Variants in MCF2L observed in about 807,000 individuals in gnomAD.
MCF2L encodes the protein guanine nucleotide exchange factor DBS.
A neutral mutation model predicts 153.4 loss-of-function variants in MCF2L; 97 were observed. That is an observed-to-expected ratio of 0.63 (90% CI 0.54 to 0.75). The LOEUF (loss-of-function observed/expected upper bound fraction) is 0.75. Among genes scored for constraint, MCF2L ranks in the 30% least tolerant of loss-of-function variants. The pLI, the probability that MCF2L is intolerant of heterozygous loss-of-function variation, is 0.00. For synonymous variants in MCF2L, 659 were observed against 632.2 expected, an observed-to-expected ratio of 1.04 and a Z score of -0.64; for missense variants, 1,347 against 1,495.2, an observed-to-expected ratio of 0.90 and a Z score of 1.64.
At position 113,077,228 on chromosome 13, in the gene MCF2L, G is replaced by A. The variant is rs746053666; in HGVS notation, c.1660+17G>A. The A allele has an allele frequency of 1.4e-5, 21 of 1,520,390 alleles. No individual in the cohort carries two copies. The highest frequency in any genetic ancestry group is 6.3e-5 in the Admixed American group (3 of 47,526). The allele number at this position is 1,520,390 out of a possible 1,614,324, so 94.2% of individuals were successfully genotyped here. On this transcript the variant is annotated intron_variant, in intron 13 of 29. Transcript: ENST00000535094. ...CCTCCCCAGGTCTGTGTGGCCGCCC[G>A]GTGCCCCGGGTGCTGTGGGACCCTC...
Position 112,998,492 on chromosome 13 carries a change from G to A in MCF2L, c.80-16271G>A, listed in dbSNP as rs558214167. Among the ~76,000 whole-genome samples, 15 of 152,304 alleles carry A rather than the reference G, an allele frequency of 9.8e-5. No homozygotes were observed. In the South Asian group the frequency reaches 2.9e-3, roughly 29 times the overall value. On this transcript the variant is annotated intron_variant, in intron 1 of 29. Coordinates refer to ENST00000535094, the MANE Select transcript of MCF2L (RefSeq NM_001112732.3). ...TGGAGTGATTGGTTACATTATTCAT[G>A]GAGCTGACTGGGCTCCCAGGACGGG... is the stretch of plus-strand genomic sequence containing the variant.
At chr13:112,925,274 G>A (rs2081390761) in intron 2 of MCF2L, among the ~76,000 whole-genome samples, 1 of 152,234 alleles carries the variant, frequency 6.6e-6, no homozygotes, top group Non-Finnish European at 1.5e-5. Flanking sequence ...TGGGATACCA[G>A]TGCTCACATT....
At chr13:112,911,678 A>C (rs1406134040) in intron 2 of MCF2L, among the ~76,000 whole-genome samples, 1 of 152,188 alleles carries the variant, frequency 6.6e-6, no homozygotes, top group East Asian at 1.9e-4. Flanking sequence ...TCCTTCCCCG[A>C]GGCCGAGGGC....
At chr13:113,009,149 C>T (rs1432107894) in intron 1 of MCF2L, 1 of 152,304 alleles carries the variant, frequency 6.6e-6, no homozygotes, top group Non-Finnish European at 1.5e-5. Flanking sequence ...ACCTGCCCCC[C>T]ACGTGGGAGT....
chr13:113,006,134 C>T (rs141437420), intron 1 of MCF2L, among the ~76,000 whole-genome samples: 3,058 of 152,326 alleles, frequency 0.02, 48 homozygotes, highest in Middle Eastern at 0.034. Flanking sequence ...CTCACTCACC[C>T]ATCAGCCTGG....
chr13:113,050,291 T>TGTGA (rs536729356), intron 4 of MCF2L, among the ~76,000 whole-genome samples: 4 of 151,008 alleles, frequency 2.6e-5, no homozygotes, highest in South Asian at 2.1e-4. Flanking sequence ...AGTGTGAGAG[T>TGTGA]GTGTGTGTGT....
At position 113,028,133 on chromosome 13, in the gene MCF2L, G is replaced by A. The variant is rs1391846970; in HGVS notation, c.278+3375G>A. Among the ~76,000 whole-genome samples the A allele has an allele frequency of 2.6e-5, 4 of 152,182 alleles. No individual in the cohort carries two copies. The highest frequency in any genetic ancestry group is 4.4e-5 in the Non-Finnish European group (3 of 68,026). The stretch of plus-strand genomic sequence containing the variant: ...GCTACTTGGAGCCATGAGCTGGGGC[G>A]CCTCCTGTTTGTTGAACCTTCCTGT... On this transcript the variant is annotated intron_variant, in intron 3 of 29. Transcript: ENST00000535094. The surrounding 1 kb of genome is among the most constrained non-coding windows in gnomAD (Gnocchi z 5.4).
chr13:112,911,837 T>A (rs1191582648), intron 2 of MCF2L, among the ~76,000 whole-genome samples: 2 of 152,238 alleles, frequency 1.3e-5, no homozygotes, highest in Non-Finnish European at 2.9e-5. Flanking sequence ...TCCCTAAACA[T>A]TACTGAGCTG....
chr13:113,002,742 A>G (rs981325608), intron 1 of MCF2L, among the ~76,000 whole-genome samples: 5 of 152,230 alleles, frequency 3.3e-5, no homozygotes, highest in African/African-American at 1.2e-4. Context: ...GATTTGTCCT[A>G]ATTATATTTT....
intron 2 of MCF2L, chr13:112,909,130 C>G: frequency 1.4e-6 from 1 of 740,732 alleles, no homozygotes; most frequent in South Asian, 1.5e-5. Context: ...TTCTCTCCCT[C>G]CTGCTTGCCT....
intron 2 of MCF2L, among the ~76,000 whole-genome samples, chr13:112,954,628 C>T (rs2081735202): frequency 6.6e-6 from 1 of 152,166 alleles, no homozygotes; most frequent in African/African-American, 2.4e-5. Context: ...CTCTGACTGG[C>T]TCCCGAGGGG....
At chr13:112,906,804 T>G (rs1010762609) in intron 2 of MCF2L, among the ~76,000 whole-genome samples, 1 of 152,212 alleles carries the variant, frequency 6.6e-6, no homozygotes, top group Non-Finnish European at 1.5e-5. Flanking sequence ...CACCTCTAGC[T>G]CTAGGGTGGC....
chr13:113,015,577 C>T (rs1168228921), intron 2 of MCF2L, among the ~76,000 whole-genome samples: 1 of 152,202 alleles, frequency 6.6e-6, no homozygotes, highest in Admixed American at 6.5e-5. Flanking sequence ...TCCCGGCCCC[C>T]AATCCATGGC....
At chr13:112,917,385 A>G in intron 2 of MCF2L, 1 of 350,144 alleles carries the variant, frequency 2.9e-6, no homozygotes, top group Non-Finnish European at 5.7e-6. Context: ...CTCCCGGGAA[A>G]TCCTGTTGGC....
In MCF2L at chr13:113,045,097, G is replaced by A. The variant is rs1373510260; in HGVS notation, c.279-174G>A. On this transcript the variant is annotated intron_variant, in intron 3 of 29. Transcript: ENST00000535094. The surrounding 1 kb of genome is among the most constrained non-coding windows in gnomAD (Gnocchi z 4.2). ...TTCCGTAGATGAGAGCAGGTTCTGGGACTGCGGGGATGGGGCTGCCGGGGC... is the reference window on the plus strand; with the variant it reads ...TTCCGTAGATGAGAGCAGGTTCTGGAACTGCGGGGATGGGGCTGCCGGGGC... 2 of 919,424 alleles carry A rather than the reference G, an allele frequency of 2.2e-6. No homozygotes were observed. The highest frequency in any genetic ancestry group is 1.6e-5 in the African/African-American group (1 of 60,884). 57.0% of individuals were successfully genotyped at this position (919,424 alleles called of 1,614,324 possible). A position where few individuals can be genotyped will look rare whatever the true frequency, so the allele number is the denominator to read the frequency against.
rs985662966 is a variant in MCF2L, at chr13:112,979,409, G to A, written c.79+9951G>A. The A allele has an allele frequency of 1.1e-5, 15 of 1,383,170 alleles. No homozygotes were observed. The African/African-American group carries it at 1.6e-4, about 15-fold the overall frequency. The allele number at this position is 1,383,170 out of a possible 1,614,324, so 85.7% of individuals were successfully genotyped here. Reference sequence around the variant, plus strand: ...CAGGCGTGCAGGGCAGTGGTGGCTCGGGCCAGGCTCTGGGAGGCCGGGCAC... The same window carrying A: ...CAGGCGTGCAGGGCAGTGGTGGCTCAGGCCAGGCTCTGGGAGGCCGGGCAC... On this transcript the variant is annotated intron_variant, in intron 1 of 29. Coordinates refer to ENST00000535094, the MANE Select transcript of MCF2L (RefSeq NM_001112732.3).
At chr13:113,095,366 GAGAC>G (rs2035559175) in intron 27 of MCF2L, 3 of 1,142,378 alleles carry the variant, frequency 2.6e-6, no homozygotes, top group Non-Finnish European at 3.3e-6. Context: ...CTCTCCCACA[GAGAC>G]AGCATGAAGG....
chr13:112,962,883 G>C (rs183845456), intron 2 of MCF2L, among the ~76,000 whole-genome samples: 214 of 152,328 alleles, frequency 1.4e-3, no homozygotes, highest in African/African-American at 5.1e-3. Context: ...AGGCATCTTT[G>C]CCTTCATTTT....
At chr13:112,975,375 C>T (rs932938306) in intron 1 of MCF2L, among the ~76,000 whole-genome samples, 2 of 152,342 alleles carry the variant, frequency 1.3e-5, no homozygotes, top group South Asian at 2.1e-4. Flanking sequence ...GTGCTGGACC[C>T]GTGACCTGTG....
Sources: allele counts gnomAD v4.1 joint callset (sites outside exome capture counted in the v4.1 genomes callset), GRCh38; gene constraint gnomAD v4.1.1; non-coding constraint Gnocchi (gnomAD v3.1); transcripts MANE v1.5; gene names NCBI Gene and HGNC (gene_info 2026-07-23, HGNC 2026-07-21).